TMTC1: variants seen among roughly 807,000 people sequenced by gnomAD.
TMTC1 encodes the protein protein O-mannosyl-transferase TMTC1.
A neutral mutation model predicts 104.8 loss-of-function variants in TMTC1; 73 were observed. The ratio of observed to expected loss-of-function variants is 0.70; its 90% confidence interval spans 0.58 to 0.85. TMTC1 has a LOEUF of 0.85. TMTC1 is among the 40% of genes least tolerant of loss of function. The probability of loss-of-function intolerance (pLI) is 0.00; values close to 1 mark genes in which losing one functional copy is unlikely to be tolerated. For synonymous variants in TMTC1, 434 were observed against 428.7 expected (o/e 1.01, Z -0.15); for missense variants, 1,035 against 1,096.1 (o/e 0.94, Z 0.79).
At chr12:29,639,868 A>G (rs1938748267) in intron 5 of TMTC1, among the ~76,000 whole-genome samples, 1 of 152,236 alleles carries the variant, frequency 6.6e-6, no homozygotes, top group South Asian at 2.1e-4. Flanking sequence ...GACACAAAAG[A>G]AAAGGAAATC....
chr12:29,777,237 G>A (rs1180738025), intron 1 of TMTC1, among the ~76,000 whole-genome samples: 1 of 152,000 alleles, frequency 6.6e-6, no homozygotes, highest in East Asian at 1.9e-4. Flanking sequence ...TGGGACTACA[G>A]GTGCACACCA....
chr12:29,523,434 T>C (rs1457414123), intron 11 of TMTC1, among the ~76,000 whole-genome samples: 3 of 152,216 alleles, frequency 2.0e-5, no homozygotes, highest in Admixed American at 6.5e-5. Flanking sequence ...GCTGTCTTGA[T>C]TGGCTGATTG....
At chr12:29,540,496 C>T (rs934020859) in intron 10 of TMTC1, among the ~76,000 whole-genome samples, 2 of 152,118 alleles carry the variant, frequency 1.3e-5, no homozygotes, top group African/African-American at 2.4e-5. Context: ...AAATCTAGAC[C>T]GTTCCATTGA....
chr12:29,714,521 A>G (rs1477280685), intron 5 of TMTC1, among the ~76,000 whole-genome samples: 6 of 152,226 alleles, frequency 3.9e-5, no homozygotes, highest in African/African-American at 1.4e-4. Flanking sequence ...TTCATGATAA[A>G]GGGCCAGTTG....
intron 8 of TMTC1, among the ~76,000 whole-genome samples, chr12:29,581,188 C>G (rs1945969940): frequency 6.6e-6 from 1 of 152,178 alleles, no homozygotes; most frequent in South Asian, 2.1e-4. Context: ...TAATGTGCCT[C>G]ATAGATTCTC....
chr12:29,531,083 G>A (rs1041625535), intron 11 of TMTC1, among the ~76,000 whole-genome samples: 1 of 152,108 alleles, frequency 6.6e-6, no homozygotes, highest in Non-Finnish European at 1.5e-5. Flanking sequence ...ATAAATCTTT[G>A]CCTAGGGGTA....
intron 1 of TMTC1, among the ~76,000 whole-genome samples, chr12:29,780,059 G>A (rs145209928): frequency 2.0e-5 from 3 of 152,296 alleles, no homozygotes; most frequent in Admixed American, 1.3e-4. Context: ...CAGACACTGC[G>A]GCTAGGAACA....
chr12:29,775,503 A>G (rs546636212), intron 1 of TMTC1, among the ~76,000 whole-genome samples: 17 of 152,288 alleles, frequency 1.1e-4, no homozygotes, highest in African/African-American at 3.8e-4. Flanking sequence ...GTTTTCTTAT[A>G]AAGGATACAA....
chr12:29,686,523 T>C (rs1488283688), intron 5 of TMTC1, among the ~76,000 whole-genome samples: 1 of 152,134 alleles, frequency 6.6e-6, no homozygotes, highest in African/African-American at 2.4e-5. Context: ...CCATATGACA[T>C]TACTGTAGAT....
intron 2 of TMTC1, among the ~76,000 whole-genome samples, chr12:29,767,117 G>GT (rs202079114): frequency 2.0e-5 from 3 of 151,920 alleles, no homozygotes; most frequent in Non-Finnish European, 2.9e-5. Context: ...ACCTGGCTAA[G>GT]TTTTTTTGTA....
In TMTC1 at chr12:29,682,606, G is replaced by A. The variant is rs1011775443; in HGVS notation, c.939-49270C>T. Reference sequence around the variant, plus strand: ...AATTATTGATGCAGTCAACAACTTGGATGAATCTAAAAGACATTATGGTGA... The same window carrying A: ...AATTATTGATGCAGTCAACAACTTGAATGAATCTAAAAGACATTATGGTGA... On this transcript the variant is annotated intron_variant, in intron 5 of 17. Coordinates refer to ENST00000539277, the MANE Select transcript of TMTC1 (RefSeq NM_001193451.2). Among the ~76,000 whole-genome samples the A allele has an allele frequency of 3.3e-5, 5 of 152,262 alleles. No individual in the cohort carries two copies. The East Asian group carries it at 5.8e-4, about 18-fold the overall frequency.
rs942140894 is a variant in TMTC1, at chr12:29,543,049, T to C, written c.1677-6732A>G. On this transcript the variant is annotated intron_variant, in intron 10 of 17. Coordinates refer to ENST00000539277, the MANE Select transcript of TMTC1 (RefSeq NM_001193451.2). ...CAAAAGGCTAAAAAATTCCCGAGAA[T>C]GTGTTCCTGGGACCAGTGACATCAT... Among the ~76,000 whole-genome samples the C allele has an allele frequency of 2.0e-5, 3 of 152,202 alleles. No homozygotes were observed. The East Asian group carries it at 5.8e-4, about 29-fold the overall frequency.
At chr12:29,666,896 T>A (rs976948037) in intron 5 of TMTC1, among the ~76,000 whole-genome samples, 1 of 152,184 alleles carries the variant, frequency 6.6e-6, no homozygotes, top group African/African-American at 2.4e-5. Context: ...CTTAACTTCC[T>A]TTGCTCTTTC....
In TMTC1 at chr12:29,755,904, A is replaced by G. The variant is rs1380676062; in HGVS notation, c.555-19T>C. ...CAGACTCCTGAAAAACAAGTTGGAG[A>G]TTCTTTTAATCTAAGAAAGAATATG... On this transcript the variant is annotated intron_variant, in intron 3 of 17. Coordinates refer to ENST00000539277, the MANE Select transcript of TMTC1 (RefSeq NM_001193451.2). The G allele has an allele frequency of 6.2e-7, 1 of 1,611,260 alleles. No homozygotes were observed. Among genetic ancestry groups the G allele is most frequent in the Admixed American group, 1.7e-5 (1 of 59,434 alleles).
intron 5 of TMTC1, among the ~76,000 whole-genome samples, chr12:29,638,591 G>A (rs1043182297): frequency 1.3e-5 from 2 of 152,134 alleles, no homozygotes; most frequent in African/African-American, 4.8e-5. Context: ...AACACAAGCC[G>A]CCTGCAGACG....
chr12:29,734,417 G>A (rs541193752), intron 5 of TMTC1, among the ~76,000 whole-genome samples: 14 of 152,230 alleles, frequency 9.2e-5, no homozygotes, highest in South Asian at 4.1e-4. Flanking sequence ...GACCCTTCCC[G>A]GATACCAGTC....
rs1454655416 is a variant in TMTC1, at chr12:29,505,130, G to A, written c.*1716C>T. The A allele has an allele frequency of 6.6e-6, 1 of 152,028 alleles. No homozygotes were observed. Among genetic ancestry groups the A allele is most frequent in the Non-Finnish European group, 1.5e-5 (1 of 68,012 alleles). 9.4% of individuals were successfully genotyped at this position (152,028 alleles called of 1,614,324 possible). A position where few individuals can be genotyped will look rare whatever the true frequency, so the allele number is the denominator to read the frequency against. On this transcript the variant is annotated 3_prime_UTR_variant, in exon 18 of 18. Coordinates refer to ENST00000539277, the MANE Select transcript of TMTC1 (RefSeq NM_001193451.2). ...CATTTTCATTTAAAATACTCCCTTCGCCATGCCTTCCGAAGAAGTTTTTCT... is the reference window on the plus strand; with the variant it reads ...CATTTTCATTTAAAATACTCCCTTCACCATGCCTTCCGAAGAAGTTTTTCT...
Position 29,599,960 on chromosome 12 carries a change from A to G in TMTC1, c.1250+4218T>C, listed in dbSNP as rs190311774. Among the ~76,000 whole-genome samples the G allele has an allele frequency of 6.1e-3, 814 of 133,246 alleles. 4 individuals carry two copies. The highest frequency in any genetic ancestry group is 8.2e-3 in the Non-Finnish European group (543 of 66,092). The allele number at this position is 133,246 out of a possible 152,430, so 87.4% of individuals were successfully genotyped here. On this transcript the variant is annotated intron_variant, in intron 7 of 17. Coordinates refer to ENST00000539277, the MANE Select transcript of TMTC1 (RefSeq NM_001193451.2). ...TATATGTGTGTGTATATATATGTGT[A>G]TATATATATGTGTGTGTGTGTGTGT...
chr12:29,679,401 A>G (rs1310366825), intron 5 of TMTC1, among the ~76,000 whole-genome samples: 1 of 152,168 alleles, frequency 6.6e-6, no homozygotes, highest in Non-Finnish European at 1.5e-5. Flanking sequence ...AAAAGTCAGT[A>G]AACGCTATTA....
Sources: allele counts gnomAD v4.1 joint callset (sites outside exome capture counted in the v4.1 genomes callset), GRCh38; gene constraint gnomAD v4.1.1; transcripts MANE v1.5; gene names NCBI Gene and HGNC (gene_info 2026-07-23, HGNC 2026-07-21).